MKLN1: variants seen among roughly 807,000 people sequenced by gnomAD.
MKLN1 encodes muskelin.
A neutral mutation model predicts 99.0 loss-of-function variants in MKLN1; 18 were observed. That is an observed-to-expected ratio of 0.18 (90% CI 0.13 to 0.27). MKLN1 has a LOEUF of 0.27. Ranked by LOEUF, MKLN1 falls within the 10% of genes least tolerant of loss-of-function variation. The probability of loss-of-function intolerance (pLI) is 1.00; values close to 1 mark genes in which losing one functional copy is unlikely to be tolerated. For missense variants in MKLN1, 621 were observed against 875.9 expected, an observed-to-expected ratio of 0.71 and a Z score of 3.67; for synonymous variants, 288 against 293.2, an observed-to-expected ratio of 0.98 and a Z score of 0.18.
chr7:131,264,414 G>A (rs140273833), intron 3 of MKLN1, among the ~76,000 whole-genome samples: 253 of 152,262 alleles, frequency 1.7e-3, no homozygotes, highest in African/African-American at 5.8e-3. Context: ...TGTCCTCTAT[G>A]TTTGATGCTT....
intron 6 of MKLN1, among the ~76,000 whole-genome samples, chr7:131,409,234 T>C (rs927627660): frequency 6.6e-6 from 1 of 152,162 alleles, no homozygotes; most frequent in Non-Finnish European, 1.5e-5. Flanking sequence ...GAATTATATA[T>C]CTAAAGCAAG....
chr7:131,434,054 T>G (rs1045742808), intron 9 of MKLN1, among the ~76,000 whole-genome samples: 1 of 152,018 alleles, frequency 6.6e-6, no homozygotes, highest in African/African-American at 2.4e-5. Flanking sequence ...CCTGGCTAAT[T>G]TTTGTATTTT....
At position 131,443,344 on chromosome 7, in the gene MKLN1, CAG is replaced by C. The variant is rs113884938; in HGVS notation, c.1174-136_1174-135del. ...TATTTAGAAACTTGCATATGATAATCAGGGGTGGTATTTAGTGTCATTAGGGA... is the reference window on the plus strand; with the variant it reads ...TATTTAGAAACTTGCATATGATAATCGGGTGGTATTTAGTGTCATTAGGGA... On this transcript the variant is annotated intron_variant, in intron 10 of 17. Coordinates refer to ENST00000352689, the MANE Select transcript of MKLN1 (RefSeq NM_013255.5). 1.1e-3 allele frequency: 649 copies of C among 610,762 alleles called. 2 individuals carry two copies. In the African/African-American group the frequency reaches 0.011, roughly 10 times the overall value. The allele number at this position is 610,762 out of a possible 1,614,324, so 37.8% of individuals were successfully genotyped here. A position where few individuals can be genotyped will look rare whatever the true frequency, so the allele number is the denominator to read the frequency against.
At chr7:131,137,455 A>G (rs1416895332) in intron 1 of MKLN1, among the ~76,000 whole-genome samples, 1 of 152,216 alleles carries the variant, frequency 6.6e-6, no homozygotes, top group Non-Finnish European at 1.5e-5. Context: ...TGTGTGTGGC[A>G]CAAGATTGTG....
chr7:131,340,574 C>G (rs375323630), intron 1 of MKLN1, among the ~76,000 whole-genome samples: 1 of 152,054 alleles, frequency 6.6e-6, no homozygotes, highest in Non-Finnish European at 1.5e-5. Context: ...CCACCGTGCC[C>G]GGCTTCCTGT....
chr7:131,145,252 T>C (rs1421781790), intron 2 of MKLN1, among the ~76,000 whole-genome samples: 1 of 152,186 alleles, frequency 6.6e-6, no homozygotes, highest in African/African-American at 2.4e-5. Flanking sequence ...TAGAGTTTAA[T>C]GTGTACCAAT....
At chr7:131,207,782 G>A (rs940197096) in intron 3 of MKLN1, among the ~76,000 whole-genome samples, 1 of 152,182 alleles carries the variant, frequency 6.6e-6, no homozygotes, top group Non-Finnish European at 1.5e-5. Flanking sequence ...GAAAGGAAGA[G>A]GATCTATTAA....
intron 3 of MKLN1, among the ~76,000 whole-genome samples, chr7:131,266,037 G>C (rs1240046605): frequency 6.6e-6 from 1 of 152,078 alleles, no homozygotes; most frequent in Non-Finnish European, 1.5e-5. Flanking sequence ...AGCCAGACAT[G>C]GTGGTGTGCA....
rs1797327158 is a variant in MKLN1, at chr7:131,487,885, A to G, written c.*157A>G. The G allele has an allele frequency of 4.0e-6, 3 of 743,152 alleles. No individual in the cohort carries two copies. The highest frequency in any genetic ancestry group is 6.1e-6 in the Non-Finnish European group (3 of 494,286). The allele number at this position is 743,152 out of a possible 1,614,324, so 46.0% of individuals were successfully genotyped here. On this transcript the variant is annotated 3_prime_UTR_variant, in exon 18 of 18. Transcript: ENST00000352689. The surrounding 1 kb of genome is among the most constrained non-coding windows in gnomAD (Gnocchi z 4.7). The stretch of plus-strand genomic sequence containing the variant: ...TCACAAGTTTTTACCCTCTTCCTTC[A>G]TGCCTGACCTCAACCCCGCTCTCCT...
intron 2 of MKLN1, among the ~76,000 whole-genome samples, chr7:131,186,343 A>C (rs564769593): frequency 9.9e-5 from 15 of 152,030 alleles, no homozygotes; most frequent in Non-Finnish European, 2.2e-4. Flanking sequence ...GTCTCTATAC[A>C]AAATAATTTT....
intron 3 of MKLN1, among the ~76,000 whole-genome samples, chr7:131,261,780 A>G (rs1012870489): frequency 3.9e-5 from 6 of 152,236 alleles, no homozygotes; most frequent in Non-Finnish European, 5.9e-5. Flanking sequence ...AATAAAGAAA[A>G]TGTGGTACAT....
intron 6 of MKLN1, among the ~76,000 whole-genome samples, chr7:131,409,896 T>G (rs935426629): frequency 6.6e-6 from 1 of 152,212 alleles, no homozygotes; most frequent in Non-Finnish European, 1.5e-5. Context: ...TAGAATTGAC[T>G]GCATTCTTGT....
chr7:131,319,671 G>A (rs1049419390), intron 3 of MKLN1, among the ~76,000 whole-genome samples: 6 of 152,122 alleles, frequency 3.9e-5, no homozygotes, highest in Non-Finnish European at 7.4e-5. Flanking sequence ...GTTTGCAGAC[G>A]ACATGATTAT....
intron 12 of MKLN1, among the ~76,000 whole-genome samples, chr7:131,456,913 A>G (rs1282107719): frequency 6.6e-6 from 1 of 151,872 alleles, no homozygotes; most frequent in Non-Finnish European, 1.5e-5. Flanking sequence ...ATAACTAGAC[A>G]GTTGAGGACT....
chr7:131,284,282 A>G (rs1798101415), intron 3 of MKLN1, among the ~76,000 whole-genome samples: 1 of 152,222 alleles, frequency 6.6e-6, no homozygotes, highest in Non-Finnish European at 1.5e-5. Context: ...CCCACATTCT[A>G]ACCAACGCTG....
intron 9 of MKLN1, among the ~76,000 whole-genome samples, chr7:131,430,168 G>A (rs556495839): frequency 3.9e-5 from 6 of 151,936 alleles, no homozygotes; most frequent in African/African-American, 1.4e-4. Flanking sequence ...GAGATAAAAC[G>A]GCCTAATTCA....
intron 3 of MKLN1, among the ~76,000 whole-genome samples, chr7:131,252,415 G>A (rs1054096894): frequency 7.3e-6 from 1 of 137,374 alleles, no homozygotes; most frequent in Non-Finnish European, 1.5e-5. Flanking sequence ...TGCAACCTCC[G>A]CTTCCTGGGT....
rs200265321 is a variant in MKLN1 at position 131,327,925 on chromosome 7, C to T, written c.26C>T (p.Ala9Val). 11 of 1,613,100 alleles carry T rather than the reference C, an allele frequency of 6.8e-6. No homozygotes were observed. Among genetic ancestry groups the T allele is most frequent in the African/African-American group, 5.3e-5 (4 of 75,034 alleles). Residue 9 changes from alanine to valine, a missense_variant, in exon 1 of 18, where the codon GCG becomes GTG. Physicochemically the swap from Ala to Val is moderately conservative, Grantham distance 64. This residue lies in a region of MKLN1 where 58 missense variants were observed against 40.0 expected (regional missense o/e 1.45). Transcript: ENST00000352689. Reference sequence around the variant, plus strand: ...ATGGCGGCTGGCGGAGCTGTCGCTGCGGCGCCCGAGTGCCGGCTTCTCCCC... The same window carrying T: ...ATGGCGGCTGGCGGAGCTGTCGCTGTGGCGCCCGAGTGCCGGCTTCTCCCC... MAAGGAVA[A>V]APECRLLPYA... is the part of the protein sequence containing the mutation.
At chr7:131,265,633 C>A (rs1034201554) in intron 3 of MKLN1, among the ~76,000 whole-genome samples, 1 of 152,134 alleles carries the variant, frequency 6.6e-6, no homozygotes, top group Non-Finnish European at 1.5e-5. Context: ...GTGGCTGGGT[C>A]TATGTGAATT....
Sources: gnomAD v4.1 joint callset for allele counts (sites outside exome capture counted in the v4.1 genomes callset) on GRCh38, gnomAD v4.1.1 for gene constraint, gnomAD v4.1.1 regional missense constraint, Gnocchi (gnomAD v3.1) non-coding constraint, MANE v1.5 for transcripts, NCBI Gene and HGNC (gene_info 2026-07-23, HGNC 2026-07-21) for gene names.